The following NFXL1 variants were observed in gnomAD, a reference collection of about 807,000 sequenced individuals.
The protein encoded by NFXL1 is nuclear transcription factor, X-box binding like 1, also known as NF-X1-type zinc finger protein NFXL1.
NFXL1 carries 66 observed loss-of-function variants against 123.3 expected under a neutral mutation model. The observed-to-expected ratio is 0.54, with a 90% CI of 0.44 to 0.66. The LOEUF is 0.66. NFXL1 is among the 30% of genes least tolerant of loss of function. The pLI, the probability that NFXL1 is intolerant of heterozygous loss-of-function variation, is 0.00. For missense variants in NFXL1, 944 were observed against 1,125.6 expected (o/e 0.84, Z 2.31); for synonymous variants, 346 against 360.8 (o/e 0.96, Z 0.46).
chr4:47,852,029 T>A, intron 20 of NFXL1, 87 bp from the exon 21 acceptor site: 1 of 771,664 alleles, frequency 1.3e-6, no homozygotes, highest in Non-Finnish European at 2.3e-6. Context: ...TCTGATAGCT[T>A]AAGGTTATAA....
chr4:47,859,643 C>T (rs1577989612), intron 19 of NFXL1, among the ~76,000 whole-genome samples: 1 of 151,932 alleles, frequency 6.6e-6, no homozygotes. Flanking sequence ...GGGTTCAAGA[C>T]CAGCCTAGCC....
At chr4:47,861,787 T>G (rs906583139) in intron 19 of NFXL1, among the ~76,000 whole-genome samples, 11 of 152,196 alleles carry the variant, frequency 7.2e-5, no homozygotes, top group African/African-American at 2.7e-4. Context: ...TTAAAAACTC[T>G]CAATTTCCAA....
intron 9 of NFXL1, 108 bp from the exon 10 acceptor site, chr4:47,896,755 T>G (rs952676574): frequency 6.3e-6 from 4 of 633,686 alleles, no homozygotes; most frequent in African/African-American, 1.8e-5. Context: ...TTTCAGACTA[T>G]AAATTTTTGT....
chr4:47,886,143 C>CGG, intron 12 of NFXL1, 144 bp from the exon 13 acceptor site: 1 of 709,228 alleles, frequency 1.4e-6, no homozygotes, highest in Non-Finnish European at 2.4e-6. Flanking sequence ...ATGAATCTTA[C>CGG]CACAAAACAT....
At chr4:47,867,777 A>G (rs1735188910) in intron 18 of NFXL1, among the ~76,000 whole-genome samples, 1 of 152,238 alleles carries the variant, frequency 6.6e-6, no homozygotes, top group Non-Finnish European at 1.5e-5. Flanking sequence ...AAAGCAGCAT[A>G]GAGCCACATT....
chr4:47,910,325 G>A (rs1317201720), intron 3 of NFXL1, among the ~76,000 whole-genome samples: 2 of 151,758 alleles, frequency 1.3e-5, no homozygotes, highest in Admixed American at 6.6e-5. Flanking sequence ...CTCCAGCCTG[G>A]GCAACAGAAC....
At chr4:47,904,625 C>T (rs1207033292) in intron 4 of NFXL1, among the ~76,000 whole-genome samples, 1 of 152,226 alleles carries the variant, frequency 6.6e-6, no homozygotes, top group East Asian at 1.9e-4. Flanking sequence ...CTAGGCAATG[C>T]TGCTATAATA....
At chr4:47,899,673 T>C in intron 5 of NFXL1, 125 bp from the exon 6 acceptor site, 1 of 627,398 alleles carries the variant, frequency 1.6e-6, no homozygotes, top group East Asian at 2.7e-5. Context: ...TGCTCCATCT[T>C]TGTGTTAGTG....
rs566071838 is a variant in NFXL1, at chr4:47,883,947, T to A, written c.1916+399A>T. Among the ~76,000 whole-genome samples, 9 of 152,352 alleles carry A rather than the reference T, an allele frequency of 5.9e-5. No homozygotes were observed. In the East Asian group the frequency reaches 1.7e-3, roughly 29 times the overall value. ...ACTACTTCCTCTCATTTCCAAGGCT[T>A]CCTTTAAATATTCCCCAAGTTTGCC... On this transcript the variant is annotated intron_variant, in intron 15 of 22. Transcript: ENST00000507489.
chr4:47,905,931 T>C (rs1033851011), intron 3 of NFXL1, among the ~76,000 whole-genome samples: 1 of 151,876 alleles, frequency 6.6e-6, no homozygotes, highest in Admixed American at 6.5e-5. Flanking sequence ...CCTGACATTA[T>C]TTTCTTTCAG....
chr4:47,887,709 C>G (rs1736524464), intron 12 of NFXL1, among the ~76,000 whole-genome samples: 1 of 152,104 alleles, frequency 6.6e-6, no homozygotes, highest in Non-Finnish European at 1.5e-5. Context: ...GCAGAGGAAC[C>G]TTTTTGTTAT....
At chr4:47,906,717 G>A (rs996097669) in intron 3 of NFXL1, among the ~76,000 whole-genome samples, 2 of 152,076 alleles carry the variant, frequency 1.3e-5, no homozygotes, top group African/African-American at 4.8e-5. Flanking sequence ...AATTTAAGAA[G>A]AAGATAGAAC....
chr4:47,906,067 C>T (rs921354297), intron 3 of NFXL1, among the ~76,000 whole-genome samples: 2 of 152,138 alleles, frequency 1.3e-5, no homozygotes, highest in African/African-American at 4.8e-5. Context: ...AGTTTGCCTA[C>T]AAAGTGAACC....
At chr4:47,911,838 C>T (rs1312042500) in intron 2 of NFXL1, among the ~76,000 whole-genome samples, 2 of 152,184 alleles carry the variant, frequency 1.3e-5, no homozygotes, top group African/African-American at 4.8e-5. Context: ...TCTTCAAGCA[C>T]TAAGTGTTAA....
chr4:47,853,878 T>C (rs1734261696), intron 20 of NFXL1, among the ~76,000 whole-genome samples: 1 of 152,068 alleles, frequency 6.6e-6, no homozygotes, highest in African/African-American at 2.4e-5. Context: ...TTGAAGAATT[T>C]AGAACAGGGA....
chr4:47,890,506 A>C, intron 12 of NFXL1, 107 bp downstream of exon 12: 2 of 645,430 alleles, frequency 3.1e-6, no homozygotes, highest in South Asian at 3.9e-5. Flanking sequence ...CAAGTGAGAT[A>C]ATGACTATAA....
chr4:47,909,178 A>C (rs1237924460), intron 3 of NFXL1, among the ~76,000 whole-genome samples: 2 of 152,118 alleles, frequency 1.3e-5, no homozygotes, highest in Non-Finnish European at 2.9e-5. Context: ...CCATTTTACA[A>C]AAGAAACTAA....
At position 47,883,686 on chromosome 4, in the gene NFXL1, CA is replaced by C. The variant is rs560081074; in HGVS notation, c.1916+659del. On this transcript the variant is annotated intron_variant, in intron 15 of 22. Coordinates refer to ENST00000507489, the MANE Select transcript of NFXL1 (RefSeq NM_001278624.2). ...AATGAAAGCTTTTAGAATTAAAAAA[CA>C]AAAACAATCCTCTCTTTAAAAGACC... 2.2e-4 allele frequency among the ~76,000 whole-genome samples: 33 copies of C among 152,252 alleles called. No individual in the cohort carries two copies. In the South Asian group the frequency reaches 5.2e-3, roughly 24 times the overall value.
In NFXL1 at chr4:47,914,191, A is replaced by C. The variant is rs1353208885; in HGVS notation, c.13T>G (p.Trp5Gly). The change falls in exon 2 of 23, where the codon TGG becomes GGG. Residue 5 changes from tryptophan to glycine, a missense_variant. Trp to Gly is a radical substitution (Grantham distance 184). This residue lies in a region of NFXL1 where 303 missense variants were observed against 292.1 expected (regional missense o/e 1.04). Transcript: ENST00000507489. ...CCTCGGCCACCGGCCACCTGGCGCC[A>C]GGAAGCTTCCATCCCTGCAAAGGAG... The part of the protein sequence containing the change: MEAS[W>G]RQVAGGRGRS... 72 of 1,517,156 alleles carry C rather than the reference A, an allele frequency of 4.7e-5. No homozygotes were observed. Among genetic ancestry groups the C allele is most frequent in the Admixed American group, 1.5e-4 (7 of 48,052 alleles). 94.0% of individuals were successfully genotyped at this position (1,517,156 alleles called of 1,614,324 possible). A position where few individuals can be genotyped will look rare whatever the true frequency, so the allele number is the denominator to read the frequency against.
Sources: gnomAD v4.1 joint callset for allele counts (sites outside exome capture counted in the v4.1 genomes callset) on GRCh38, gnomAD v4.1.1 for gene constraint, gnomAD v4.1.1 regional missense constraint, MANE v1.5 for transcripts, NCBI Gene and HGNC (gene_info 2026-07-23, HGNC 2026-07-21) for gene names.